Variants in MLLT1 observed in about 807,000 individuals in gnomAD.
MLLT1 encodes MLLT1 super elongation complex subunit, also known as protein ENL.
A neutral mutation model predicts 55.1 loss-of-function variants in MLLT1; 11 were observed. The ratio of observed to expected loss-of-function variants is 0.20; its 90% confidence interval spans 0.13 to 0.33. The LOEUF (loss-of-function observed/expected upper bound fraction) is 0.33. Among genes scored for constraint, MLLT1 ranks in the 10% least tolerant of loss-of-function variants. MLLT1 has a pLI of 1.00. For missense variants in MLLT1, 536 were observed against 760.6 expected, an observed-to-expected ratio of 0.70 and a Z score of 3.47; for synonymous variants, 323 against 320.1, an observed-to-expected ratio of 1.01 and a Z score of -0.10.
Position 6,235,897 on chromosome 19 carries a change from C to T in MLLT1, c.277-5184G>A, listed in dbSNP as rs2091056479. Among the ~76,000 whole-genome samples the T allele has an allele frequency of 6.6e-6, 1 of 152,102 alleles. No homozygotes were observed. Among genetic ancestry groups the T allele is most frequent in the Non-Finnish European group, 1.5e-5 (1 of 68,014 alleles). On this transcript the variant is annotated intron_variant, in intron 3 of 11. Transcript: ENST00000252674. This position sits in a 1 kb window ranked among gnomAD's most constrained non-coding sequence, Gnocchi z 5.5. ...TGACCCCCACCCGCCCTTATCCCGG[C>T]CTGCTGCTGTCCCCAGGCACAGAGC...
At chr19:6,238,989 G>A (rs2091089631) in intron 3 of MLLT1, among the ~76,000 whole-genome samples, 1 of 152,254 alleles carries the variant, frequency 6.6e-6, no homozygotes, top group Non-Finnish European at 1.5e-5. Flanking sequence ...CACTCCAGGA[G>A]GGCATCACTC....
chr19:6,216,211 G>A (rs977008825), intron 8 of MLLT1, among the ~76,000 whole-genome samples, 194 bp downstream of exon 8: 1 of 152,284 alleles, frequency 6.6e-6, no homozygotes, highest in East Asian at 1.9e-4. Context: ...TCAGGGACCA[G>A]GAGAGGACAC....
chr19:6,248,623 A>G, intron 3 of MLLT1, among the ~76,000 whole-genome samples: 1 of 152,252 alleles, frequency 6.6e-6, no homozygotes, highest in East Asian at 1.9e-4. Context: ...ATAATACCCC[A>G]CTAGCACATT....
intron 3 of MLLT1, among the ~76,000 whole-genome samples, chr19:6,248,829 T>C (rs1777159674): frequency 1.3e-5 from 2 of 152,210 alleles, no homozygotes; most frequent in South Asian, 2.1e-4. Context: ...TTATGTGAGA[T>C]GTTAACATTA....
intron 3 of MLLT1, among the ~76,000 whole-genome samples, chr19:6,232,165 G>A (rs1250292499): frequency 6.6e-6 from 1 of 152,198 alleles, no homozygotes; most frequent in East Asian, 1.9e-4. Context: ...GAATCCGGTA[G>A]GCGGAGGTTG....
rs545805113 is a variant in MLLT1 at position 6,245,378 on chromosome 19, C to T, written c.277-14665G>A. Among the ~76,000 whole-genome samples the T allele has an allele frequency of 1.1e-4, 16 of 151,454 alleles. No individual in the cohort carries two copies. In the East Asian group the frequency reaches 2.4e-3, roughly 23 times the overall value. On this transcript the variant is annotated intron_variant, in intron 3 of 11. Coordinates refer to ENST00000252674, the MANE Select transcript of MLLT1 (RefSeq NM_005934.4). ...AAGTGCTGGGATTACAGGTATAAGC[C>T]GCCGTGCCCAGCCCTTAAAAAAGTT...
intron 3 of MLLT1, among the ~76,000 whole-genome samples, chr19:6,253,391 T>C (rs1468417825): frequency 1.4e-5 from 2 of 144,638 alleles, no homozygotes; most frequent in Non-Finnish European, 3.0e-5. Flanking sequence ...TTCACTGAAC[T>C]CCATGGAACA....
intron 3 of MLLT1, among the ~76,000 whole-genome samples, chr19:6,241,109 G>A (rs920937704): frequency 5.3e-5 from 8 of 152,224 alleles, no homozygotes; most frequent in African/African-American, 1.9e-4. Flanking sequence ...GCCCAATGCT[G>A]CCAGGCTGAG....
chr19:6,213,672 TCCC>T, intron 10 of MLLT1, 51 bp downstream of exon 10: 12 of 1,075,326 alleles, frequency 1.1e-5, no homozygotes, highest in Non-Finnish European at 1.6e-5. Context: ...TGGCTGCAAC[TCCC>T]ACCACCCACC....
At chr19:6,251,626 T>C (rs2091215043) in intron 3 of MLLT1, among the ~76,000 whole-genome samples, 1 of 152,126 alleles carries the variant, frequency 6.6e-6, no homozygotes, top group Admixed American at 6.5e-5. Context: ...CTTGACTGAA[T>C]TAAGAAATAC....
intron 9 of MLLT1, 30 bp from the exon 10 acceptor site, chr19:6,213,827 G>A: frequency 6.2e-7 from 1 of 1,610,092 alleles, no homozygotes; most frequent in Non-Finnish European, 8.5e-7. Context: ...CTGCTGAGCT[G>A]TGGCCCACAC....
In MLLT1 at chr19:6,211,687, GC is replaced by G; in HGVS notation, c.*1354del. 9.4e-7 allele frequency: 1 copy of G among 1,064,592 alleles called. No homozygotes were observed. Among genetic ancestry groups the G allele is most frequent in the Non-Finnish European group, 1.1e-6 (1 of 878,814 alleles). 65.9% of individuals were successfully genotyped at this position (1,064,592 alleles called of 1,614,324 possible). On this transcript the variant is annotated 3_prime_UTR_variant, in exon 12 of 12. Transcript: ENST00000252674. This position sits in a 1 kb window ranked among gnomAD's most constrained non-coding sequence, Gnocchi z 4.6. ...AGTCAGGGGGTTGAGAGGACTGGAGGCGCCTCGAGTCAATGTCTGGGAAACA... is the reference window on the plus strand; with the variant it reads ...AGTCAGGGGGTTGAGAGGACTGGAGGGCCTCGAGTCAATGTCTGGGAAACA...
intron 8 of MLLT1, among the ~76,000 whole-genome samples, chr19:6,215,654 T>A (rs1162394901): frequency 6.6e-6 from 1 of 152,136 alleles, no homozygotes; most frequent in Non-Finnish European, 1.5e-5. Flanking sequence ...CCTTGCTGGG[T>A]GCAGGGTGAT....
chr19:6,230,678 C>A lies in MLLT1; in HGVS notation c.312G>T (p.Leu104=). 6.2e-7 allele frequency: 1 copy of A among 1,614,110 alleles called. No individual in the cohort carries two copies. Among genetic ancestry groups the A allele is most frequent in the Non-Finnish European group, 8.5e-7 (1 of 1,180,028 alleles). The change falls in exon 4 of 12, where the codon CTG becomes CTT. Residue 104 remains leucine (L), a synonymous_variant. Transcript: ENST00000252674. The surrounding 1 kb of genome is among the most constrained non-coding windows in gnomAD (Gnocchi z 9.0). The part of the protein sequence containing the change: ...EPRKVCFTYD[L]FLNLEGNPPV... The stretch of plus-strand genomic sequence containing the variant: ...GCGGGTTGCCTTCCAGGTTCAGGAA[C>A]AGGTCGTAGGTGAAGCAGACCTTCC...
Position 6,224,730 on chromosome 19 carries a change from T to C in MLLT1, c.547-2046A>G, listed in dbSNP as rs191985525. ...GCACTACGATTTTTTTGTTTGTTTGTTTGTTTGCTTTTGTTTTGAGACGGA... is the reference window on the plus strand; with the variant it reads ...GCACTACGATTTTTTTGTTTGTTTGCTTGTTTGCTTTTGTTTTGAGACGGA... On this transcript the variant is annotated intron_variant, in intron 5 of 11. Coordinates refer to ENST00000252674, the MANE Select transcript of MLLT1 (RefSeq NM_005934.4). Among the ~76,000 whole-genome samples, 1,022 of 152,304 alleles carry C rather than the reference T, an allele frequency of 6.7e-3. 47 individuals are homozygous for C. Among genetic ancestry groups the C allele is most frequent in the Admixed American group, 0.059 (908 of 15,302 alleles).
Position 6,211,333 on chromosome 19 carries a change from G to C in MLLT1, c.*1709C>G. ...TGGGGCCGGGAGAGAAACAGAGCAGGTGGCGAGGAGTCCCGGAGGCTTCCT... is the reference window on the plus strand; with the variant it reads ...TGGGGCCGGGAGAGAAACAGAGCAGCTGGCGAGGAGTCCCGGAGGCTTCCT... On this transcript the variant is annotated 3_prime_UTR_variant, in exon 12 of 12. Coordinates refer to ENST00000252674, the MANE Select transcript of MLLT1 (RefSeq NM_005934.4). This position sits in a 1 kb window ranked among gnomAD's most constrained non-coding sequence, Gnocchi z 4.6. 4.3e-6 allele frequency: 1 copy of C among 232,886 alleles called. No individual in the cohort carries two copies. The allele number at this position is 232,886 out of a possible 1,614,324, so 14.4% of individuals were successfully genotyped here. A position where few individuals can be genotyped will look rare whatever the true frequency, so the allele number is the denominator to read the frequency against.
At chr19:6,275,574 G>C (rs1480253264) in intron 1 of MLLT1, among the ~76,000 whole-genome samples, 1 of 152,188 alleles carries the variant, frequency 6.6e-6, no homozygotes, top group Non-Finnish European at 1.5e-5. Flanking sequence ...CTCTGAAGCG[G>C]AGAGCTGCCC....
intron 3 of MLLT1, among the ~76,000 whole-genome samples, chr19:6,243,625 C>G (rs748803559): frequency 2.6e-5 from 4 of 151,068 alleles, no homozygotes; most frequent in Non-Finnish European, 5.9e-5. Context: ...GGATGAGCAG[C>G]TCTGCCCACC....
In MLLT1 at chr19:6,262,264, G is replaced by A. The variant is rs146293449; in HGVS notation, c.240C>T (p.Gly80=). ...AGTGCACCTCGATGGGCATGATGAAGCCAGCGTACCCCGACTCCTCTACTT... is the reference window on the plus strand; with the variant it reads ...AGTGCACCTCGATGGGCATGATGAAACCAGCGTACCCCGACTCCTCTACTT... ...PYKVEESGYA[G]FIMPIEVHFK... The change falls in exon 3 of 12, where the codon GGC becomes GGT. Residue 80 remains glycine (G), a synonymous_variant. Coordinates refer to ENST00000252674, the MANE Select transcript of MLLT1 (RefSeq NM_005934.4). The surrounding 1 kb of genome is among the most constrained non-coding windows in gnomAD (Gnocchi z 4.4). 24 of 1,613,958 alleles carry A rather than the reference G, an allele frequency of 1.5e-5. No homozygotes were observed. The African/African-American group carries it at 2.4e-4, about 16-fold the overall frequency.
Sources: allele counts gnomAD v4.1 joint callset (sites outside exome capture counted in the v4.1 genomes callset), GRCh38; gene constraint gnomAD v4.1.1; non-coding constraint Gnocchi (gnomAD v3.1); transcripts MANE v1.5; gene names NCBI Gene and HGNC (gene_info 2026-07-23, HGNC 2026-07-21).